The following CDYL variants were observed in gnomAD, a reference collection of about 807,000 sequenced individuals.
CDYL encodes the protein chromodomain Y like, also known as chromodomain Y-like protein.
A neutral mutation model predicts 47.3 loss-of-function variants in CDYL; 8 were observed. That is an observed-to-expected ratio of 0.17 (90% CI 0.10 to 0.31). The LOEUF is 0.31. Ranked by LOEUF, CDYL falls within the 10% of genes least tolerant of loss-of-function variation. The probability of loss-of-function intolerance (pLI) is 1.00; values close to 1 mark genes in which losing one functional copy is unlikely to be tolerated. For synonymous variants in CDYL, 266 were observed against 265.0 expected (o/e 1.00, Z -0.04); for missense variants, 471 against 701.4 (o/e 0.67, Z 3.71).
intron 1 of CDYL, among the ~76,000 whole-genome samples, chr6:4,886,808 GC>G (rs1305326203): frequency 6.6e-6 from 1 of 151,854 alleles, no homozygotes; most frequent in East Asian, 1.9e-4. Flanking sequence ...AAATTACACC[GC>G]TATATTCTTT....
At position 4,952,253 on chromosome 6, in the gene CDYL, T is replaced by C; in HGVS notation, c.1333-13T>C. On this transcript the variant is annotated splice_polypyrimidine_tract_variant and intron_variant, in intron 5 of 6. Coordinates refer to ENST00000397588, the MANE Select transcript of CDYL (RefSeq NM_004824.4). ...ACCGCAATTCATATTACATCCACTC[T>C]TCTTCCTTGCAGGCAAACGAGATGC... 3 of 1,612,518 alleles carry C rather than the reference T, an allele frequency of 1.9e-6. No individual in the cohort carries two copies. Among genetic ancestry groups the C allele is most frequent in the Non-Finnish European group, 2.5e-6 (3 of 1,179,232 alleles).
intron 2 of CDYL, among the ~76,000 whole-genome samples, chr6:4,902,751 A>G (rs2875964): frequency 0.95 from 144,250 of 152,250 alleles, 68,826 homozygotes; most frequent in East Asian, 1. Context: ...CAGGGAGTCC[A>G]ATTCTCCAAG....
intron 2 of CDYL, among the ~76,000 whole-genome samples, chr6:4,894,867 ATACACACATGTGTATG>A (rs1225858841): frequency 9.7e-5 from 2 of 20,624 alleles, no homozygotes; most frequent in Non-Finnish European, 6.6e-4. Context: ...ATATGTGTAT[ATACACACATGTGTATG>A]TGTGTGTATA....
chr6:4,855,245 T>A (rs1484348687), intron 1 of CDYL, among the ~76,000 whole-genome samples: 1 of 152,108 alleles, frequency 6.6e-6, no homozygotes, highest in Non-Finnish European at 1.5e-5. Flanking sequence ...ATTGACCCTT[T>A]TCTCTATTAA....
intron 1 of CDYL, among the ~76,000 whole-genome samples, chr6:4,801,078 T>C (rs1759212627): frequency 6.6e-6 from 1 of 152,228 alleles, no homozygotes; most frequent in Non-Finnish European, 1.5e-5. Flanking sequence ...ATTCATCTCT[T>C]TCTCTTTATG....
chr6:4,804,028 T>C (rs559481887), intron 1 of CDYL, among the ~76,000 whole-genome samples: 2 of 152,048 alleles, frequency 1.3e-5, no homozygotes, highest in South Asian at 2.1e-4. Flanking sequence ...TAAAATACTT[T>C]GTTTGCCGTG....
intron 1 of CDYL, among the ~76,000 whole-genome samples, chr6:4,707,537 G>C (rs1437657640): frequency 6.6e-6 from 1 of 152,184 alleles, no homozygotes; most frequent in Non-Finnish European, 1.5e-5. Context: ...CTCCCAAAGT[G>C]CTGGGATTAC....
intron 2 of CDYL, among the ~76,000 whole-genome samples, chr6:4,718,949 GT>G (rs1271648318): frequency 6.6e-6 from 1 of 150,690 alleles, no homozygotes; most frequent in African/African-American, 2.4e-5. Context: ...TTCAGACAGA[GT>G]TTTGCTCTTG....
At position 4,927,725 on chromosome 6, in the gene CDYL, T is replaced by C. The variant is rs1222622163; in HGVS notation, c.692-7790T>C. 3.3e-5 allele frequency among the ~76,000 whole-genome samples: 5 copies of C among 152,224 alleles called. No homozygotes were observed. The East Asian group carries it at 9.6e-4, about 29-fold the overall frequency. ...GTGAGCCAACACACCCAACATTGTG[T>C]GTGTGTTTTTACATCTGTTTTATGC... On this transcript the variant is annotated intron_variant, in intron 2 of 6. Transcript: ENST00000397588.
chr6:4,887,063 C>G (rs1091275), intron 1 of CDYL, among the ~76,000 whole-genome samples: 5,237 of 152,218 alleles, frequency 0.034, 300 homozygotes, highest in African/African-American at 0.12. Context: ...GTCTGTAGTT[C>G]CACGCTGCCA....
intron 2 of CDYL, among the ~76,000 whole-genome samples, chr6:4,924,826 A>T (rs954730688): frequency 5.3e-5 from 8 of 152,340 alleles, no homozygotes; most frequent in African/African-American, 1.9e-4. Context: ...TACAGGGCTT[A>T]TGGGGGAAAT....
chr6:4,775,839 C>G (rs1466839083), upstream of CDYL, among the ~76,000 whole-genome samples: 1 of 150,510 alleles, frequency 6.6e-6, no homozygotes, highest in Admixed American at 6.6e-5. This position sits in a 1 kb window ranked among gnomAD's most constrained non-coding sequence, Gnocchi z 7.0. Flanking sequence ...GGCCCGGCCC[C>G]GGACGGGCGG....
At chr6:4,741,116 T>C (rs1001582969) in intron 3 of CDYL, among the ~76,000 whole-genome samples, 1 of 152,156 alleles carries the variant, frequency 6.6e-6, no homozygotes, top group Admixed American at 6.5e-5. Flanking sequence ...GGCAAAATAT[T>C]ATGGAATTTT....
chr6:4,807,111 C>T (rs977917829), intron 1 of CDYL, among the ~76,000 whole-genome samples: 6 of 152,168 alleles, frequency 3.9e-5, no homozygotes, highest in Non-Finnish European at 8.8e-5. Flanking sequence ...GATTAGGGCT[C>T]ACCCTCTAGA....
At chr6:4,810,980 C>G (rs1759510795) in intron 1 of CDYL, among the ~76,000 whole-genome samples, 1 of 152,212 alleles carries the variant, frequency 6.6e-6, no homozygotes, top group Admixed American at 6.5e-5. Context: ...TCAGTTATTG[C>G]AGGCAATTCC....
intron 2 of CDYL, among the ~76,000 whole-genome samples, chr6:4,934,492 A>G (rs1758128143): frequency 1.3e-5 from 2 of 152,098 alleles, no homozygotes; most frequent in Admixed American, 1.3e-4. Flanking sequence ...TGGAGGAAAT[A>G]TTTCTGATTC....
chr6:4,706,988 C>A (rs1385475942), intron 1 of CDYL, among the ~76,000 whole-genome samples: 1 of 152,088 alleles, frequency 6.6e-6, no homozygotes, highest in African/African-American at 2.4e-5. Flanking sequence ...TTACAGTGTT[C>A]AGGATGGAGA....
At chr6:4,873,880 T>G (rs926377927) in intron 1 of CDYL, among the ~76,000 whole-genome samples, 5 of 152,184 alleles carry the variant, frequency 3.3e-5, no homozygotes, top group Non-Finnish European at 1.5e-5. Flanking sequence ...AGATTTCACC[T>G]CCTGCCACTG....
intron 2 of CDYL, among the ~76,000 whole-genome samples, chr6:4,731,066 G>A (rs1026496402): frequency 2.0e-5 from 3 of 152,216 alleles, no homozygotes; most frequent in African/African-American, 7.2e-5. Context: ...TGCTCATTCC[G>A]TAACGATGCT....
Sources: allele counts gnomAD v4.1 joint callset (sites outside exome capture counted in the v4.1 genomes callset), GRCh38; gene constraint gnomAD v4.1.1; non-coding constraint Gnocchi (gnomAD v3.1); transcripts MANE v1.5; gene names NCBI Gene and HGNC (gene_info 2026-07-23, HGNC 2026-07-21).